EPN2: variants seen among roughly 807,000 people sequenced by gnomAD.
EPN2 encodes the protein epsin-2.
EPN2 carries 34 observed loss-of-function variants against 61.7 expected under a neutral mutation model. The ratio of observed to expected loss-of-function variants is 0.55; its 90% CI spans 0.42 to 0.73. The LOEUF is 0.73. Ranked by LOEUF, EPN2 falls within the 30% of genes least tolerant of loss-of-function variation. The probability of loss-of-function intolerance (pLI) is 0.00; values close to 1 mark genes in which losing one functional copy is unlikely to be tolerated. For missense variants in EPN2, 714 were observed against 839.2 expected, an observed-to-expected ratio of 0.85 and a Z score of 1.84; for synonymous variants, 349 against 353.6, an observed-to-expected ratio of 0.99 and a Z score of 0.15.
chr17:19,290,711 A>AAAG (rs2045454915), intron 4 of EPN2, among the ~76,000 whole-genome samples: 1 of 79,666 alleles, frequency 1.3e-5, no homozygotes, highest in Non-Finnish European at 2.5e-5. Context: ...AAAAAAAAAA[A>AAAG]AAAAGAAAAA....
intron 4 of EPN2, chr17:19,308,397 C>G (rs766949884): frequency 1.3e-4 from 124 of 985,304 alleles, no homozygotes; most frequent in Non-Finnish European, 1.5e-4. Flanking sequence ...TTAAAATGAC[C>G]CGTTAACCAT....
chr17:19,307,937 C>T (rs1451239714), intron 4 of EPN2: 3 of 985,232 alleles, frequency 3.0e-6, no homozygotes, highest in Non-Finnish European at 3.6e-6. Context: ...TTTAGTTTCT[C>T]TCAAAGAGGA....
At chr17:19,332,518 G>GC (rs1253868910) in intron 10 of EPN2, among the ~76,000 whole-genome samples, 1 of 152,126 alleles carries the variant, frequency 6.6e-6, no homozygotes, top group Non-Finnish European at 1.5e-5. Context: ...GCCAGAGTCT[G>GC]CCCCCTGCCC....
Position 19,334,069 on chromosome 17 carries a change from C to A in EPN2, c.1741C>A (p.Pro581Thr), listed in dbSNP as rs372432122. The A allele has an allele frequency of 1.6e-5, 25 of 1,610,108 alleles. No individual in the cohort carries two copies. Among genetic ancestry groups the A allele is most frequent in the Non-Finnish European group, 2.1e-5 (25 of 1,178,172 alleles). Residue 581 changes from proline to threonine, a missense_variant, in exon 11 of 11, where the codon CCT becomes ACT. Physicochemically the swap from Pro to Thr is conservative, Grantham distance 38. This residue lies in a region of EPN2 where 410 missense variants were observed against 421.8 expected (regional missense o/e 0.97). Transcript: ENST00000314728. This position sits in a 1 kb window ranked among gnomAD's most constrained non-coding sequence, Gnocchi z 4.9. Reference sequence around the variant, plus strand: ...CCTGGGGACCAGCACATCCTTTGGGCCTGGCCCAGGAGTGGAGTCCATGGC... The same window carrying A: ...CCTGGGGACCAGCACATCCTTTGGGACTGGCCCAGGAGTGGAGTCCATGGC... ...PVLGTSTSFG[P>T]GPGVESMAVA...
At chr17:19,325,697 C>T (rs1906834071) in intron 7 of EPN2, among the ~76,000 whole-genome samples, 1 of 152,164 alleles carries the variant, frequency 6.6e-6, no homozygotes, top group Non-Finnish European at 1.5e-5. Context: ...ACCAGCACTT[C>T]TATTTGATGA....
intron 1 of EPN2, among the ~76,000 whole-genome samples, chr17:19,278,592 C>G (rs1331694461): frequency 1.3e-5 from 2 of 152,190 alleles, no homozygotes; most frequent in Admixed American, 1.3e-4. Context: ...TTCTGGGAGA[C>G]ACAATTCAAG....
chr17:19,314,045 C>G (rs1906270300), intron 7 of EPN2, among the ~76,000 whole-genome samples: 1 of 152,158 alleles, frequency 6.6e-6, no homozygotes, highest in South Asian at 2.1e-4. Flanking sequence ...TTGCCTGTAT[C>G]TCCTGGAGTC....
chr17:19,290,041 G>A (rs191915890), intron 4 of EPN2, among the ~76,000 whole-genome samples: 2 of 152,168 alleles, frequency 1.3e-5, no homozygotes, highest in Admixed American at 1.3e-4. Flanking sequence ...ATGTTTACTT[G>A]GTGGTCTTGT....
At position 19,283,236 on chromosome 17, in the gene EPN2, G is replaced by T; in HGVS notation, c.117G>T (p.Leu39=). 1 of 1,614,184 alleles carries T rather than the reference G, an allele frequency of 6.2e-7. No individual in the cohort carries two copies. The highest frequency in any genetic ancestry group is 8.5e-7 in the Non-Finnish European group (1 of 1,180,040). Residue 39 remains leucine, a synonymous_variant, in exon 3 of 11, where the codon CTG becomes CTT. Coordinates refer to ENST00000314728, the MANE Select transcript of EPN2 (RefSeq NM_014964.5). This position sits in a 1 kb window ranked among gnomAD's most constrained non-coding sequence, Gnocchi z 7.0. ...SNDPWGPSSS[L]MTEIADLTYN... is the part of the protein sequence containing the mutation. Reference sequence around the variant, plus strand: ...ACCCGTGGGGCCCGTCCAGTTCTCTGATGACCGAGATTGCCGACCTGACCT... The same window carrying T: ...ACCCGTGGGGCCCGTCCAGTTCTCTTATGACCGAGATTGCCGACCTGACCT...
intron 4 of EPN2, chr17:19,308,316 C>T (rs1346482177): frequency 4.3e-6 from 4 of 929,782 alleles, no homozygotes; most frequent in East Asian, 2.3e-4. Flanking sequence ...TCAGGTGATC[C>T]GCCCGTCTCA....
intron 1 of EPN2, among the ~76,000 whole-genome samples, chr17:19,252,766 C>T (rs1451717979): frequency 1.3e-5 from 2 of 152,118 alleles, no homozygotes; most frequent in Non-Finnish European, 2.9e-5. Context: ...CTCTGCTCAC[C>T]GCAACCTCCG....
chr17:19,320,582 G>A (rs1346836129), intron 7 of EPN2, among the ~76,000 whole-genome samples: 1 of 152,174 alleles, frequency 6.6e-6, no homozygotes, highest in Non-Finnish European at 1.5e-5. Flanking sequence ...CAGAATCTGT[G>A]TGTATGCAGA....
At chr17:19,330,359 C>G (rs985556762) in intron 9 of EPN2, among the ~76,000 whole-genome samples, 7 of 152,126 alleles carry the variant, frequency 4.6e-5, no homozygotes, top group African/African-American at 1.7e-4. Flanking sequence ...TCCCTACCAC[C>G]TCTATCCCAG....
At chr17:19,238,362 G>A (rs2044842786) in intron 1 of EPN2, among the ~76,000 whole-genome samples, 2 of 152,208 alleles carry the variant, frequency 1.3e-5, no homozygotes, top group African/African-American at 2.4e-5. Flanking sequence ...TGCTAGAGGA[G>A]TCGGTGCCAA....
intron 1 of EPN2, among the ~76,000 whole-genome samples, chr17:19,246,029 G>T (rs1049572617): frequency 6.6e-6 from 1 of 152,106 alleles, no homozygotes; most frequent in Non-Finnish European, 1.5e-5. Context: ...GATTACAGGC[G>T]TGAGCTATCG....
At chr17:19,240,791 C>T (rs768627545) in intron 1 of EPN2, among the ~76,000 whole-genome samples, 7 of 152,158 alleles carry the variant, frequency 4.6e-5, no homozygotes, top group Non-Finnish European at 8.8e-5. Context: ...GACACTGTGA[C>T]GTCTTTGAGG....
chr17:19,263,470 G>A (rs902058969), intron 1 of EPN2, among the ~76,000 whole-genome samples: 7 of 152,312 alleles, frequency 4.6e-5, no homozygotes, highest in Non-Finnish European at 8.8e-5. Flanking sequence ...TCCAAGGAGC[G>A]TCTTAGATGG....
At chr17:19,306,903 C>T (rs1905870201) in intron 4 of EPN2, among the ~76,000 whole-genome samples, 1 of 152,160 alleles carries the variant, frequency 6.6e-6, no homozygotes, top group South Asian at 2.1e-4. Context: ...TTTTGTGAAC[C>T]AAGCCTCAGA....
intron 1 of EPN2, among the ~76,000 whole-genome samples, chr17:19,262,068 T>C (rs1047453301): frequency 6.6e-6 from 1 of 152,064 alleles, no homozygotes; most frequent in African/African-American, 2.4e-5. Context: ...ATCCCTGTAG[T>C]CCCAGCTACT....
Sources: allele counts gnomAD v4.1 joint callset (sites outside exome capture counted in the v4.1 genomes callset), GRCh38; gene constraint gnomAD v4.1.1; regional missense constraint gnomAD v4.1.1; non-coding constraint Gnocchi (gnomAD v3.1); transcripts MANE v1.5; gene names NCBI Gene and HGNC (gene_info 2026-07-23, HGNC 2026-07-21).